Variants in TPP2 observed in about 807,000 individuals in gnomAD.
The protein encoded by TPP2 is tripeptidyl-peptidase 2.
Under a neutral mutation model 155.9 loss-of-function variants are expected in TPP2, and 34 were observed. That is an observed-to-expected ratio of 0.22 (90% CI 0.17 to 0.29). The LOEUF (loss-of-function observed/expected upper bound fraction) is 0.29, where lower values mean the gene tolerates loss of function less well. Ranked by LOEUF, TPP2 falls within the 10% of genes least tolerant of loss-of-function variation. The probability of loss-of-function intolerance (pLI) is 1.00; values close to 1 mark genes in which losing one functional copy is unlikely to be tolerated. For synonymous variants in TPP2, 510 were observed against 529.4 expected (o/e 0.96, Z 0.50); for missense variants, 1,028 against 1,522.3 (o/e 0.68, Z 5.40).
At chr13:102,626,418 G>T (rs626538) in intron 6 of TPP2, among the ~76,000 whole-genome samples, 75,343 of 151,982 alleles carry the variant, frequency 0.5, 19,056 homozygotes, top group African/African-American at 0.6. Context: ...ATCTTGTGGT[G>T]GTTTTTAAGT....
Position 102,652,403 on chromosome 13 carries a change from T to C in TPP2, c.2991+1006T>C, listed in dbSNP as rs1453586116. Among the ~76,000 whole-genome samples, 16 of 1,934 alleles carry C rather than the reference T, an allele frequency of 8.3e-3. 1 individual carries two copies. In the African/African-American group the frequency reaches 0.094, roughly 11 times the overall value. The allele number at this position is 1,934 out of a possible 152,430, so 1.3% of individuals were successfully genotyped here. On this transcript the variant is annotated intron_variant, in intron 24 of 29. Transcript: ENST00000376052. ...TCAAAACAAAACATACATACATATA[T>C]ATATATATATATATATATATATATA... is the stretch of plus-strand genomic sequence containing the variant.
At chr13:102,670,868 T>C (rs899913787) in intron 27 of TPP2, among the ~76,000 whole-genome samples, 4 of 152,370 alleles carry the variant, frequency 2.6e-5, no homozygotes, top group Non-Finnish European at 5.9e-5. Context: ...AAGACAATTG[T>C]ACTTTTTCAG....
chr13:102,651,215 C>A, intron 23 of TPP2, 144 bp from the exon 24 acceptor site: 2 of 723,480 alleles, frequency 2.8e-6, no homozygotes, highest in Admixed American at 3.8e-5. Context: ...TCTTTAAAAG[C>A]ATGCCATCTT....
intron 6 of TPP2, among the ~76,000 whole-genome samples, chr13:102,623,800 A>C: frequency 6.6e-6 from 1 of 151,958 alleles, no homozygotes; most frequent in East Asian, 1.9e-4. Context: ...ATCTGGGGGG[A>C]TTGGTTCTGG....
intron 14 of TPP2, 125 bp downstream of exon 14, chr13:102,637,364 G>T (rs1882448665): frequency 3.9e-6 from 4 of 1,018,710 alleles, no homozygotes; most frequent in Middle Eastern, 3.2e-4. Context: ...CTATCCATCT[G>T]CCAGGTTATT....
intron 5 of TPP2, among the ~76,000 whole-genome samples, chr13:102,620,981 C>G (rs944600515): frequency 6.6e-6 from 1 of 152,186 alleles, no homozygotes; most frequent in Admixed American, 6.5e-5. Context: ...TTCTCTCATC[C>G]TCCCCACTTA....
intron 1 of TPP2, among the ~76,000 whole-genome samples, chr13:102,603,111 A>T (rs1879557527): frequency 6.6e-6 from 1 of 152,206 alleles, no homozygotes; most frequent in Admixed American, 6.5e-5. Context: ...GTTATGGCTC[A>T]AATGAAAATT....
intron 16 of TPP2, 70 bp downstream of exon 16, chr13:102,640,446 T>C (rs1882676310): frequency 8.1e-7 from 1 of 1,242,192 alleles, no homozygotes; most frequent in East Asian, 2.4e-5. Flanking sequence ...CTGTATGAGG[T>C]TCGTTTATCT....
At position 102,616,113 on chromosome 13, in the gene TPP2, C is replaced by T. The variant is rs542303514; in HGVS notation, c.391-283C>T. On this transcript the variant is annotated intron_variant, in intron 3 of 29. Coordinates refer to ENST00000376052, the MANE Select transcript of TPP2 (RefSeq NM_001330588.2). ...CTGGGATTACAGGCACCTGCCACCC[C>T]ACCTGGCTAATTTTTGTATTTTTAG... Among the ~76,000 whole-genome samples the T allele has an allele frequency of 2.0e-5, 3 of 152,232 alleles. No individual in the cohort carries two copies. The East Asian group carries it at 5.8e-4, about 29-fold the overall frequency.
chr13:102,613,153 AT>A (rs1164672334), intron 2 of TPP2, among the ~76,000 whole-genome samples: 1 of 152,172 alleles, frequency 6.6e-6, no homozygotes, highest in Non-Finnish European at 1.5e-5. Context: ...CATCCAGTTG[AT>A]TTGGAAGTGA....
chr13:102,605,656 T>C (rs1418090731), intron 2 of TPP2, among the ~76,000 whole-genome samples: 3 of 152,090 alleles, frequency 2.0e-5, no homozygotes, highest in Non-Finnish European at 4.4e-5. Flanking sequence ...CATGAAGAAA[T>C]ACTTAGGCTA....
At chr13:102,642,029 T>C (rs1213136995) in intron 16 of TPP2, among the ~76,000 whole-genome samples, 1 of 152,026 alleles carries the variant, frequency 6.6e-6, no homozygotes, top group Non-Finnish European at 1.5e-5. Flanking sequence ...CTTTGGAAAT[T>C]GAGAAGTCTG....
At chr13:102,597,231 C>G in intron 1 of TPP2, 28 bp downstream of exon 1, 1 of 1,296,578 alleles carries the variant, frequency 7.7e-7, no homozygotes, top group Non-Finnish European at 9.9e-7. Context: ...GGCCCGGGCG[C>G]GGGGGCGCGG....
At chr13:102,658,085 T>G (rs1566363865) in intron 25 of TPP2, among the ~76,000 whole-genome samples, 1 of 152,222 alleles carries the variant, frequency 6.6e-6, no homozygotes, top group South Asian at 2.1e-4. Context: ...TTTCTGTACT[T>G]GCCACAGATT....
At chr13:102,635,518 C>G in intron 11 of TPP2, 69 bp from the exon 12 acceptor site, 2 of 1,103,968 alleles carry the variant, frequency 1.8e-6, no homozygotes, top group Non-Finnish European at 2.7e-6. Flanking sequence ...GGTGATCGAT[C>G]ATACTGGTGG....
intron 6 of TPP2, among the ~76,000 whole-genome samples, chr13:102,623,674 C>A (rs1423418209): frequency 6.6e-6 from 1 of 152,312 alleles, no homozygotes; most frequent in South Asian, 2.1e-4. Context: ...AGAATCCTCA[C>A]TACGGCACTC....
intron 5 of TPP2, among the ~76,000 whole-genome samples, chr13:102,622,407 T>C (rs1198719699): frequency 6.6e-6 from 1 of 152,222 alleles, no homozygotes; most frequent in African/African-American, 2.4e-5. Flanking sequence ...GAAAATGCCT[T>C]CTGTGAGAAA....
intron 2 of TPP2, among the ~76,000 whole-genome samples, chr13:102,605,496 G>A (rs1879751276): frequency 6.6e-6 from 1 of 152,168 alleles, no homozygotes; most frequent in African/African-American, 2.4e-5. Flanking sequence ...CCATTATTTT[G>A]TTGTTTGATG....
chr13:102,618,620 A>G, intron 4 of TPP2, 102 bp from the exon 5 acceptor site: 1 of 1,428,622 alleles, frequency 7.0e-7, no homozygotes, highest in Non-Finnish European at 9.3e-7. Context: ...TTCAGGGTAA[A>G]ATAATTTTAC....
Sources: allele counts gnomAD v4.1 joint callset (sites outside exome capture counted in the v4.1 genomes callset), GRCh38; gene constraint gnomAD v4.1.1; transcripts MANE v1.5; gene names NCBI Gene and HGNC (gene_info 2026-07-23, HGNC 2026-07-21).